Variants in AFG3L2 observed in about 807,000 individuals in gnomAD.
AFG3L2 encodes mitochondrial inner membrane m-AAA protease component AFG3L2.
In AFG3L2, 54 loss-of-function variants were observed where a neutral mutation model predicts 94.5. The ratio of observed to expected loss-of-function variants is 0.57; its 90% confidence interval spans 0.46 to 0.72. The LOEUF is 0.72. Among genes scored for constraint, AFG3L2 ranks in the 30% least tolerant of loss-of-function variants. The probability of loss-of-function intolerance (pLI) is 0.00; values close to 1 mark genes in which losing one functional copy is unlikely to be tolerated. For missense variants in AFG3L2, 754 were observed against 994.9 expected (o/e 0.76, Z 3.26); for synonymous variants, 377 against 365.5 (o/e 1.03, Z -0.36).
chr18:12,363,665 A>G, intron 6 of AFG3L2, 117 bp downstream of exon 6: 1 of 807,550 alleles, frequency 1.2e-6, no homozygotes, highest in Non-Finnish European at 2.2e-6. Flanking sequence ...CACACTGCCC[A>G]GTTCTGATAT....
At chr18:12,370,598 C>T (rs1356567852) in intron 3 of AFG3L2, among the ~76,000 whole-genome samples, 1 of 151,266 alleles carries the variant, frequency 6.6e-6, no homozygotes, top group Non-Finnish European at 1.5e-5. Context: ...GCTGGGACTA[C>T]AGGTGTGCAC....
intron 16 of AFG3L2, among the ~76,000 whole-genome samples, chr18:12,333,056 G>T (rs62636870): frequency 9.5e-3 from 84 of 8,824 alleles, no homozygotes; most frequent in African/African-American, 0.011. Context: ...TTATATAATA[G>T]ATTATAATCT....
At chr18:12,336,109 G>A (rs946113964) in intron 16 of AFG3L2, among the ~76,000 whole-genome samples, 2 of 152,166 alleles carry the variant, frequency 1.3e-5, no homozygotes, top group African/African-American at 4.8e-5. Context: ...AATGATAATA[G>A]CACTTCCCCA....
chr18:12,353,205 A>T, intron 9 of AFG3L2, 47 bp from the exon 10 acceptor site: 2 of 1,606,692 alleles, frequency 1.2e-6, no homozygotes, highest in Non-Finnish European at 1.7e-6. Flanking sequence ...AATATTATGT[A>T]TTCTCTGAAT....
At chr18:12,331,339 A>C (rs1907517603) in intron 16 of AFG3L2, among the ~76,000 whole-genome samples, 1 of 152,172 alleles carries the variant, frequency 6.6e-6, no homozygotes, top group Admixed American at 6.5e-5. Flanking sequence ...ACATGACTGC[A>C]GTTTCTTTCT....
chr18:12,377,092 C>A lies in AFG3L2; in HGVS notation c.-10G>T. The A allele has an allele frequency of 7.1e-7, 1 of 1,405,040 alleles. No homozygotes were observed. The highest frequency in any genetic ancestry group is 1.4e-5 in the South Asian group (1 of 69,444). 87.0% of individuals were successfully genotyped at this position (1,405,040 alleles called of 1,614,324 possible). ...AACAGCGGTGCGCCATGGCCGCCGC[C>A]GTGGCCCTCTCGGCCCGGGACGCTG... On this transcript the variant is annotated 5_prime_UTR_variant, in exon 1 of 17. Transcript: ENST00000269143.
chr18:12,337,973 T>G (rs756460926), intron 15 of AFG3L2, among the ~76,000 whole-genome samples: 4 of 152,210 alleles, frequency 2.6e-5, no homozygotes, highest in Non-Finnish European at 4.4e-5. Flanking sequence ...TTTTGTCATG[T>G]TGGCCAGGCT....
chr18:12,365,571 G>A (rs146468587), intron 5 of AFG3L2, among the ~76,000 whole-genome samples: 1 of 152,282 alleles, frequency 6.6e-6, no homozygotes. Flanking sequence ...TTGGAATTCT[G>A]GAGTCCACTG....
intron 3 of AFG3L2, among the ~76,000 whole-genome samples, chr18:12,368,853 G>A (rs900616799): frequency 2.0e-5 from 3 of 151,978 alleles, no homozygotes; most frequent in Non-Finnish European, 4.4e-5. Context: ...CACCCGTTTC[G>A]GCCTCCCAAA....
At chr18:12,355,743 A>G (rs1454293473) in intron 9 of AFG3L2, among the ~76,000 whole-genome samples, 1 of 150,784 alleles carries the variant, frequency 6.6e-6, no homozygotes, top group African/African-American at 2.4e-5. Flanking sequence ...ATCTCAGCTC[A>G]CTGCAAGCTC....
chr18:12,355,198 CA>C (rs1246197230), intron 9 of AFG3L2, among the ~76,000 whole-genome samples: 1 of 93,160 alleles, frequency 1.1e-5, no homozygotes, highest in Non-Finnish European at 2.5e-5. Context: ...GACTCCATCT[CA>C]AAAAAAATTA....
rs1908572880 is a variant in AFG3L2, at chr18:12,358,861, C to T, written c.835G>A (p.Gly279Ser). The T allele has an allele frequency of 1.2e-6, 2 of 1,614,118 alleles. No individual in the cohort carries two copies. Among genetic ancestry groups the T allele is most frequent in the African/African-American group, 2.7e-5 (2 of 74,938 alleles). Residue 279 changes from glycine (G) to serine (S), a missense_variant, in exon 8 of 17, where the codon GGC becomes AGC. Coordinates refer to ENST00000269143, the MANE Select transcript of AFG3L2 (RefSeq NM_006796.3). ...CCGCCCATCCCTCGGCCTGTCCGGC[C>T]AATGCCAGCAGGCCCTCTTCTGATG... ...YTIRRGPAGI[G>S]RTGRGMGGLF...
At chr18:12,338,268 G>A (rs776273608) in intron 15 of AFG3L2, among the ~76,000 whole-genome samples, 15 of 152,088 alleles carry the variant, frequency 9.9e-5, no homozygotes, top group Non-Finnish European at 1.6e-4. Context: ...AGAAAGTAGA[G>A]AAGCAGCAAG....
intron 8 of AFG3L2, among the ~76,000 whole-genome samples, chr18:12,357,134 T>C (rs1908521297): frequency 6.6e-6 from 1 of 152,224 alleles, no homozygotes; most frequent in Non-Finnish European, 1.5e-5. Flanking sequence ...GGGCTAGGAA[T>C]ATACTAATAA....
chr18:12,372,048 G>A (rs1240976713), intron 1 of AFG3L2, among the ~76,000 whole-genome samples: 1 of 152,232 alleles, frequency 6.6e-6, no homozygotes, highest in African/African-American at 2.4e-5. Flanking sequence ...GCTCACACCT[G>A]TAATCCCAGT....
At chr18:12,367,830 T>A (rs2143219560) in intron 3 of AFG3L2, among the ~76,000 whole-genome samples, 1 of 152,024 alleles carries the variant, frequency 6.6e-6, no homozygotes, top group African/African-American at 2.4e-5. Flanking sequence ...AGCAGGAGAA[T>A]CCCTTGAGCC....
intron 14 of AFG3L2, among the ~76,000 whole-genome samples, 200 bp from the exon 15 acceptor site, chr18:12,340,601 T>C (rs889433074): frequency 1.3e-5 from 2 of 152,176 alleles, no homozygotes; most frequent in Non-Finnish European, 2.9e-5. Flanking sequence ...AGAGTGTTTT[T>C]TTTCTTGAGA....
At chr18:12,357,448 G>C (rs1393936043) in intron 8 of AFG3L2, among the ~76,000 whole-genome samples, 1 of 152,102 alleles carries the variant, frequency 6.6e-6, no homozygotes, top group South Asian at 2.1e-4. Flanking sequence ...AGATAATATG[G>C]TCAAATGATA....
chr18:12,336,134 T>G (rs535452594), intron 16 of AFG3L2, among the ~76,000 whole-genome samples: 5 of 152,164 alleles, frequency 3.3e-5, no homozygotes, highest in Admixed American at 6.5e-5. Context: ...TAAACTACCC[T>G]TGTAAAACTA....
Sources: gnomAD v4.1 joint callset for allele counts (sites outside exome capture counted in the v4.1 genomes callset) on GRCh38, gnomAD v4.1.1 for gene constraint, MANE v1.5 for transcripts, NCBI Gene and HGNC (gene_info 2026-07-23, HGNC 2026-07-21) for gene names.